The following MCCC1 variants were observed in gnomAD, a reference collection of about 807,000 sequenced individuals.
MCCC1 encodes the protein methylcrotonyl-CoA carboxylase subunit 1, also known as methylcrotonoyl-CoA carboxylase subunit alpha, mitochondrial.
MCCC1 carries 64 observed loss-of-function variants against 83.8 expected under a neutral mutation model. The observed-to-expected ratio is 0.76, with a 90% CI of 0.62 to 0.94. The LOEUF is 0.94. Ranked by LOEUF, MCCC1 falls within the 40% of genes least tolerant of loss-of-function variation. The pLI is 0.00. For missense variants in MCCC1, 807 were observed against 904.7 expected (o/e 0.89, Z 1.39); for synonymous variants, 322 against 315.4 (o/e 1.02, Z -0.22).
chr3:183,029,168 G>C (rs1330436943), intron 14 of MCCC1: 2 of 152,204 alleles, frequency 1.3e-5, no homozygotes, highest in African/African-American at 4.8e-5. Context: ...GGAAATGGTT[G>C]ATTATCCGAG....
intron 4 of MCCC1, among the ~76,000 whole-genome samples, chr3:183,084,661 CTTT>C (rs2108549595): frequency 6.6e-6 from 1 of 152,314 alleles, no homozygotes; most frequent in Non-Finnish European, 1.5e-5. Flanking sequence ...GTGGATTACA[CTTT>C]TAATCCCAAC....
intron 11 of MCCC1, among the ~76,000 whole-genome samples, chr3:183,040,796 C>T (rs984147179): frequency 1.6e-4 from 24 of 152,208 alleles, no homozygotes; most frequent in Non-Finnish European, 3.1e-4. Flanking sequence ...TGACCTCTTA[C>T]CCCTGAGAAT....
intron 12 of MCCC1, among the ~76,000 whole-genome samples, 159 bp from the exon 13 acceptor site, chr3:183,037,593 G>GA (rs1035614092): frequency 1.3e-4 from 19 of 151,540 alleles, no homozygotes; most frequent in South Asian, 2.1e-4. Flanking sequence ...CAATTCTCAG[G>GA]AAAAAAAACA....
chr3:183,033,872 T>C (rs1462463514), intron 14 of MCCC1, 119 bp downstream of exon 14: 3 of 730,486 alleles, frequency 4.1e-6, no homozygotes, highest in Non-Finnish European at 7.1e-6. Flanking sequence ...CTCCAATGTT[T>C]AGCCTAGGCA....
chr3:183,102,624 G>A (rs1323215019), upstream of MCCC1, among the ~76,000 whole-genome samples: 1 of 151,412 alleles, frequency 6.6e-6, no homozygotes, highest in Non-Finnish European at 1.5e-5. Flanking sequence ...TTAGCCCTCT[G>A]GAAAAAAAAG....
chr3:183,072,520 C>T, intron 4 of MCCC1, 33 bp from the exon 5 acceptor site: 1 of 1,610,428 alleles, frequency 6.2e-7, no homozygotes, highest in South Asian at 1.1e-5. Flanking sequence ...AAAATTTACT[C>T]ATCAGTGCTC....
chr3:183,104,106 C>A (rs866055001), upstream of MCCC1, among the ~76,000 whole-genome samples: 1 of 152,202 alleles, frequency 6.6e-6, no homozygotes, highest in Non-Finnish European at 1.5e-5. Context: ...GCGCGCAGCC[C>A]CGGTTCCCGC....
rs559971667 is a variant in MCCC1, at chr3:183,065,205, G to T, written c.761+5794C>A. 2.4e-4 allele frequency among the ~76,000 whole-genome samples: 36 copies of T among 151,624 alleles called. No homozygotes were observed. In the South Asian group the frequency reaches 6.9e-3, roughly 29 times the overall value. ...TAGTCAGTTATAAACTTTGCTGCAG[G>T]TCCCTGAAAAAAAAAAAACTGGATG... is the stretch of plus-strand genomic sequence containing the variant. On this transcript the variant is annotated intron_variant, in intron 7 of 18. Coordinates refer to ENST00000265594, the MANE Select transcript of MCCC1 (RefSeq NM_020166.5).
rs557497134 is a variant in MCCC1 at position 183,025,212 on chromosome 3, A to C, written c.1731+543T>G. Among the ~76,000 whole-genome samples the C allele has an allele frequency of 2.0e-5, 3 of 152,326 alleles. No individual in the cohort carries two copies. In the South Asian group the frequency reaches 6.2e-4, roughly 32 times the overall value. ...AATTTTAGTTCCACAAGAAGAAAGA[A>C]GTTCTGGAGATGGATGGTTGTGATG... On this transcript the variant is annotated intron_variant, in intron 15 of 18. Coordinates refer to ENST00000265594, the MANE Select transcript of MCCC1 (RefSeq NM_020166.5).
At chr3:183,034,477 A>AAAAAC (rs1560216307) in intron 13 of MCCC1, among the ~76,000 whole-genome samples, 1 of 150,984 alleles carries the variant, frequency 6.6e-6, no homozygotes. Context: ...AAACAAAAAA[A>AAAAAC]CACACGTCCT....
At chr3:183,077,101 T>C (rs1381291979) in intron 4 of MCCC1, among the ~76,000 whole-genome samples, 2 of 152,230 alleles carry the variant, frequency 1.3e-5, no homozygotes, top group Non-Finnish European at 2.9e-5. Context: ...TAATACTCCA[T>C]TGTATGGCTA....
intron 9 of MCCC1, among the ~76,000 whole-genome samples, chr3:183,046,318 T>C (rs1392071340): frequency 6.6e-6 from 1 of 152,238 alleles, no homozygotes; most frequent in African/African-American, 2.4e-5. Flanking sequence ...TGTGTTTCTG[T>C]GTTTTTCTCT....
At position 183,022,566 on chromosome 3, in the gene MCCC1, GA is replaced by G. The variant is rs770181345; in HGVS notation, c.1732-13del. On this transcript the variant is annotated splice_polypyrimidine_tract_variant and intron_variant, in intron 15 of 18. Coordinates refer to ENST00000265594, the MANE Select transcript of MCCC1 (RefSeq NM_020166.5). The stretch of plus-strand genomic sequence containing the variant: ...GTTTTATCTTCAATCTGAAAAAAAT[GA>G]AAAATAAGATTTTTAAAATAAATGA... The G allele has an allele frequency of 2.6e-5, 42 of 1,596,908 alleles. No individual in the cohort carries two copies. The Admixed American group carries it at 5.9e-4, about 22-fold the overall frequency.
chr3:183,047,528 GAC>G (rs1449926272), intron 9 of MCCC1, among the ~76,000 whole-genome samples: 1 of 152,088 alleles, frequency 6.6e-6, no homozygotes, highest in African/African-American at 2.4e-5. Flanking sequence ...AGAATTATCA[GAC>G]ACAGAAATTC....
At chr3:183,091,743 A>T (rs1718352134) in intron 3 of MCCC1, among the ~76,000 whole-genome samples, 1 of 152,100 alleles carries the variant, frequency 6.6e-6, no homozygotes, top group Admixed American at 6.5e-5. Context: ...AGCAGGTGCT[A>T]AGAATAGAGC....
intron 3 of MCCC1, among the ~76,000 whole-genome samples, chr3:183,090,591 T>TC (rs1355310268): frequency 1.3e-5 from 2 of 148,582 alleles, no homozygotes; most frequent in East Asian, 3.9e-4. Flanking sequence ...GGAAAATTCT[T>TC]TTTTTTTTTT....
rs1279522271 is a variant in MCCC1, at chr3:183,025,805, C to T, written c.1682-1G>A. 1 of 1,612,580 alleles carries T rather than the reference C, an allele frequency of 6.2e-7. No individual in the cohort carries two copies. On this transcript the variant is annotated splice_acceptor_variant, in intron 14 of 18. Transcript: ENST00000265594. LOFTEE classifies it high-confidence loss of function. The stretch of plus-strand genomic sequence containing the variant: ...TTATACGTTACAGCTATGGCTACAT[C>T]TTTATGGAAAAAGGGAAAAAATGAA...
intron 14 of MCCC1, among the ~76,000 whole-genome samples, chr3:183,027,189 T>C (rs147822925): frequency 3.0e-4 from 46 of 152,192 alleles, no homozygotes; most frequent in Non-Finnish European, 5.7e-4. Context: ...CCTCAATCAA[T>C]ATTGTGTGTG....
chr3:183,098,155 T>C (rs1718879862), intron 1 of MCCC1, among the ~76,000 whole-genome samples: 1 of 152,220 alleles, frequency 6.6e-6, no homozygotes, highest in Non-Finnish European at 1.5e-5. Context: ...GGTCTCGATC[T>C]CCTGACCTCG....
Sources: gnomAD v4.1 joint callset for allele counts (sites outside exome capture counted in the v4.1 genomes callset) on GRCh38, gnomAD v4.1.1 for gene constraint, MANE v1.5 for transcripts, NCBI Gene and HGNC (gene_info 2026-07-23, HGNC 2026-07-21) for gene names.